Variants in OSBPL6 observed in about 807,000 individuals in gnomAD.
The protein encoded by OSBPL6 is oxysterol-binding protein-related protein 6.
In OSBPL6, 49 loss-of-function variants were observed where a neutral mutation model predicts 125.8. The observed-to-expected ratio is 0.39, with a 90% CI of 0.31 to 0.49. The LOEUF (loss-of-function observed/expected upper bound fraction) is 0.49, where lower values mean the gene tolerates loss of function less well. Ranked by LOEUF, OSBPL6 falls within the 20% of genes least tolerant of loss-of-function variation. OSBPL6 has a pLI of 0.88. For missense variants in OSBPL6, 986 were observed against 1,135.4 expected (o/e 0.87, Z 1.89); for synonymous variants, 394 against 391.8 (o/e 1.01, Z -0.07).
intron 15 of OSBPL6, among the ~76,000 whole-genome samples, chr2:178,374,467 G>A (rs1693686935): frequency 6.6e-6 from 1 of 152,228 alleles, no homozygotes; most frequent in Non-Finnish European, 1.5e-5. Flanking sequence ...GAAGGATAAT[G>A]TGTAGCACAT....
intron 15 of OSBPL6, among the ~76,000 whole-genome samples, chr2:178,376,507 A>T (rs1232635923): frequency 3.3e-5 from 5 of 151,946 alleles, no homozygotes; most frequent in African/African-American, 4.8e-5. Flanking sequence ...AGATCACCCC[A>T]TCAGTCTCAT....
intron 19 of OSBPL6, among the ~76,000 whole-genome samples, chr2:178,386,853 T>A (rs1374493400): frequency 8.0e-5 from 11 of 137,442 alleles, no homozygotes; most frequent in Admixed American, 4.2e-4. Flanking sequence ...TTTTTAGTTT[T>A]GTTTGTTTGT....
intron 1 of OSBPL6, among the ~76,000 whole-genome samples, chr2:178,276,158 A>G (rs2092464776): frequency 6.6e-6 from 1 of 152,148 alleles, no homozygotes; most frequent in Admixed American, 6.5e-5. Context: ...ATGATCTGAG[A>G]CTTTCATAAA....
intron 11 of OSBPL6, among the ~76,000 whole-genome samples, chr2:178,347,051 A>G (rs999288446): frequency 3.3e-5 from 5 of 152,188 alleles, no homozygotes; most frequent in Admixed American, 6.5e-5. Context: ...ATTGTGTTCA[A>G]AATATAAATT....
At chr2:178,388,178 T>C (rs1695108571) in intron 20 of OSBPL6, among the ~76,000 whole-genome samples, 1 of 152,210 alleles carries the variant, frequency 6.6e-6, no homozygotes, top group South Asian at 2.1e-4. Context: ...TGAAGCTATA[T>C]CATTTCATTT....
In OSBPL6 at chr2:178,358,997, C is replaced by T. The variant is rs118172215; in HGVS notation, c.1154-2685C>T. On this transcript the variant is annotated intron_variant, in intron 12 of 24. Transcript: ENST00000190611. ...CAAGCATGAGCAACATAGTGAGACT[C>T]CATCTCCACAAAAAATAAAATTAAA... is the stretch of plus-strand genomic sequence containing the variant. 6.3e-4 allele frequency among the ~76,000 whole-genome samples: 96 copies of T among 152,044 alleles called. 1 individual carries two copies. In the East Asian group the frequency reaches 0.015, roughly 25 times the overall value.
Position 178,402,363 on chromosome 2 carries a change from C to A in OSBPL6, c.*6804C>A, listed in dbSNP as rs1427759882. The A allele has an allele frequency of 6.6e-6, 1 of 152,182 alleles. No individual in the cohort carries two copies. The highest frequency in any genetic ancestry group is 2.4e-5 in the African/African-American group (1 of 41,432). 9.4% of individuals were successfully genotyped at this position (152,182 alleles called of 1,614,324 possible). On this transcript the variant is annotated 3_prime_UTR_variant, in exon 25 of 25. Transcript: ENST00000190611. ...TACTCTTCAAAGCCAAGAATCAGTA[C>A]CCCCACCTCACCTTCCATTCTCTCT... is the stretch of plus-strand genomic sequence containing the variant.
Position 178,384,155 on chromosome 2 carries a change from A to G in OSBPL6, c.1992A>G (p.Gly664=), listed in dbSNP as rs1347921539. ...ETYECIREDK[G]FRFFSEQVSH... ...ATGAATGCATTAGAGAAGACAAGGG[A>G]TTCCGCTTTTTCTCAGAACAGGTAA... Residue 664 remains glycine, a synonymous_variant, in exon 18 of 25, where the codon GGA becomes GGG. Coordinates refer to ENST00000190611, the MANE Select transcript of OSBPL6 (RefSeq NM_032523.4). 6.2e-7 allele frequency: 1 copy of G among 1,613,796 alleles called. No individual in the cohort carries two copies. Among genetic ancestry groups the G allele is most frequent in the Non-Finnish European group, 8.5e-7 (1 of 1,179,830 alleles).
intron 12 of OSBPL6, among the ~76,000 whole-genome samples, chr2:178,350,193 G>T (rs111435382): frequency 1.3e-5 from 2 of 152,154 alleles, no homozygotes; most frequent in African/African-American, 4.8e-5. Context: ...ATAATCAGCC[G>T]CAGAGAGTAG....
intron 1 of OSBPL6, among the ~76,000 whole-genome samples, chr2:178,200,798 T>C (rs923242144): frequency 2.0e-5 from 3 of 151,544 alleles, no homozygotes; most frequent in Admixed American, 6.6e-5. Flanking sequence ...ATTTCTTTTC[T>C]TTTTTTTTCT....
intron 2 of OSBPL6, among the ~76,000 whole-genome samples, chr2:178,295,918 A>G (rs1685708239): frequency 1.3e-5 from 2 of 152,202 alleles, no homozygotes; most frequent in African/African-American, 2.4e-5. Context: ...TAAATGCTAC[A>G]TGCTTTAATT....
chr2:178,284,963 T>TA lies in OSBPL6; in HGVS notation c.-313dup. 1 of 398,452 alleles carries TA rather than the reference T, an allele frequency of 2.5e-6. No homozygotes were observed. The highest frequency in any genetic ancestry group is 4.4e-6 in the Non-Finnish European group (1 of 225,946). The allele number at this position is 398,452 out of a possible 1,614,324, so 24.7% of individuals were successfully genotyped here. Reference sequence around the variant, plus strand: ...TGCTGGGAAAACAGCAACAGAAGGATATTAAGGAGCCACCCCTATAATTTA... The same window carrying TA: ...TGCTGGGAAAACAGCAACAGAAGGATAATTAAGGAGCCACCCCTATAATTTA... On this transcript the variant is annotated 5_prime_UTR_variant, in exon 2 of 25. Transcript: ENST00000190611.
rs113365658 is a variant in OSBPL6 at position 178,210,923 on chromosome 2, T to C, written c.-351+16249T>C. ...GGGTTGTTTAAACCCAAGCTACTCA[T>C]TCTTGCCTTTGTATCTTGCTATATT... On this transcript the variant is annotated intron_variant, in intron 1 of 24. Coordinates refer to ENST00000190611, the MANE Select transcript of OSBPL6 (RefSeq NM_032523.4). 7.5e-3 allele frequency among the ~76,000 whole-genome samples: 1,138 copies of C among 152,200 alleles called. 15 individuals are homozygous for C. Among genetic ancestry groups the C allele is most frequent in the African/African-American group, 0.025 (1,050 of 41,502 alleles).
chr2:178,231,838 C>A (rs1313292594), intron 1 of OSBPL6, among the ~76,000 whole-genome samples: 1 of 152,062 alleles, frequency 6.6e-6, no homozygotes, highest in South Asian at 2.1e-4. Flanking sequence ...AACAAACAAA[C>A]CTTTTTGTAG....
chr2:178,268,606 A>G (rs1205170869), intron 1 of OSBPL6, among the ~76,000 whole-genome samples: 1 of 152,178 alleles, frequency 6.6e-6, no homozygotes, highest in Non-Finnish European at 1.5e-5. Context: ...CCTGTCTTTG[A>G]ACTTCATATA....
intron 1 of OSBPL6, among the ~76,000 whole-genome samples, chr2:178,201,053 A>C (rs558886599): frequency 1.3e-4 from 19 of 151,954 alleles, no homozygotes; most frequent in South Asian, 1.2e-3. Context: ...CTCAGCCTCC[A>C]AAAGTGCTGG....
intron 1 of OSBPL6, among the ~76,000 whole-genome samples, chr2:178,240,839 T>C (rs2091259961): frequency 6.6e-6 from 1 of 152,168 alleles, no homozygotes; most frequent in African/African-American, 2.4e-5. Context: ...CTATTATTAT[T>C]TCTATACCAC....
intron 6 of OSBPL6, 50 bp downstream of exon 6, chr2:178,331,655 G>T: frequency 6.4e-7 from 1 of 1,572,094 alleles, no homozygotes; most frequent in Non-Finnish European, 8.8e-7. Flanking sequence ...AATTCTGCTT[G>T]AAGTGAGTAA....
chr2:178,197,261 C>G (rs2088956325), intron 1 of OSBPL6, among the ~76,000 whole-genome samples: 1 of 152,190 alleles, frequency 6.6e-6, no homozygotes. Context: ...ACATGCACTT[C>G]TGTTTTGCAT....
Sources: gnomAD v4.1 joint callset for allele counts (sites outside exome capture counted in the v4.1 genomes callset) on GRCh38, gnomAD v4.1.1 for gene constraint, MANE v1.5 for transcripts, NCBI Gene and HGNC (gene_info 2026-07-23, HGNC 2026-07-21) for gene names.